The following HCRTR2 variants were observed in gnomAD, a reference collection of about 807,000 sequenced individuals.
The protein encoded by HCRTR2 is hypocretin receptor 2.
Under a neutral mutation model 49.0 loss-of-function variants are expected in HCRTR2, and 22 were observed. The ratio of observed to expected loss-of-function variants is 0.45; its 90% CI spans 0.32 to 0.64. The LOEUF is 0.64. Ranked by LOEUF, HCRTR2 falls within the 30% of genes least tolerant of loss-of-function variation. The pLI, the probability that HCRTR2 is intolerant of heterozygous loss-of-function variation, is 0.04. For synonymous variants in HCRTR2, 236 were observed against 205.3 expected, an observed-to-expected ratio of 1.15 and a Z score of -1.28; for missense variants, 491 against 559.4, an observed-to-expected ratio of 0.88 and a Z score of 1.23.
intron 1 of HCRTR2, among the ~76,000 whole-genome samples, chr6:55,139,059 G>C (rs1161434882): frequency 6.6e-6 from 1 of 152,130 alleles, no homozygotes; most frequent in African/African-American, 2.4e-5. Context: ...GTGTCTGGAA[G>C]GAGAAAGTTT....
chr6:55,135,838 A>T (rs1183430658), intron 1 of HCRTR2, among the ~76,000 whole-genome samples: 1 of 152,152 alleles, frequency 6.6e-6, no homozygotes, highest in East Asian at 1.9e-4. Flanking sequence ...CACAACCTAG[A>T]GGGTCTCTAA....
intron 1 of HCRTR2, among the ~76,000 whole-genome samples, chr6:55,198,532 C>T (rs182224565): frequency 1.5e-4 from 23 of 152,252 alleles, no homozygotes; most frequent in African/African-American, 4.3e-4. Context: ...ATCTGGATCA[C>T]GACTTGGGCA....
intron 1 of HCRTR2, among the ~76,000 whole-genome samples, chr6:55,119,370 A>G (rs1031530746): frequency 6.6e-6 from 1 of 152,106 alleles, no homozygotes. Flanking sequence ...GTCTTCCACA[A>G]TGCTTGAACT....
At chr6:55,230,425 A>T (rs1454980981) in intron 1 of HCRTR2, among the ~76,000 whole-genome samples, 1 of 152,198 alleles carries the variant, frequency 6.6e-6, no homozygotes, top group African/African-American at 2.4e-5. Context: ...TCTAACCCAG[A>T]AACTCCCAAG....
At chr6:55,147,283 G>A (rs915569210) in intron 1 of HCRTR2, among the ~76,000 whole-genome samples, 8 of 152,050 alleles carry the variant, frequency 5.3e-5, no homozygotes, top group East Asian at 3.9e-4. Flanking sequence ...AAAAATCTAC[G>A]TAATTGATAA....
upstream of HCRTR2, among the ~76,000 whole-genome samples, chr6:55,171,680 G>A (rs1450914590): frequency 6.6e-6 from 1 of 152,140 alleles, no homozygotes; most frequent in Non-Finnish European, 1.5e-5. Context: ...GTAGGATCAA[G>A]ATAAATACAG....
intron 1 of HCRTR2, among the ~76,000 whole-genome samples, chr6:55,232,834 C>T (rs1766140476): frequency 6.6e-6 from 1 of 152,100 alleles, no homozygotes; most frequent in Non-Finnish European, 1.5e-5. Flanking sequence ...AATAACTTGA[C>T]TAAACAAGAT....
intron 1 of HCRTR2, among the ~76,000 whole-genome samples, chr6:55,175,380 G>A (rs1040502032): frequency 6.6e-6 from 1 of 152,140 alleles, no homozygotes; most frequent in Admixed American, 6.5e-5. Context: ...AAGCAGGGAA[G>A]TGCACTCACT....
chr6:55,150,795 A>T (rs1764654632), intron 1 of HCRTR2, among the ~76,000 whole-genome samples: 1 of 152,048 alleles, frequency 6.6e-6, no homozygotes, highest in African/African-American at 2.4e-5. Flanking sequence ...TTTAATAAAC[A>T]TGAGAGTGCA....
chr6:55,150,272 C>T (rs992299062), intron 1 of HCRTR2, among the ~76,000 whole-genome samples: 3 of 151,820 alleles, frequency 2.0e-5, no homozygotes, highest in Non-Finnish European at 2.9e-5. Context: ...TCCATAAACA[C>T]ATTCATTACC....
intron 1 of HCRTR2, among the ~76,000 whole-genome samples, chr6:55,187,833 G>A (rs1197401369): frequency 6.6e-6 from 1 of 152,054 alleles, no homozygotes; most frequent in Non-Finnish European, 1.5e-5. Context: ...CTGGAGTGCA[G>A]TGGCGCAATC....
chr6:55,134,128 G>C (rs1764401336), intron 1 of HCRTR2, among the ~76,000 whole-genome samples: 1 of 151,638 alleles, frequency 6.6e-6, no homozygotes. Flanking sequence ...AACAAACTAA[G>C]CACATTTTAT....
intron 1 of HCRTR2, among the ~76,000 whole-genome samples, chr6:55,128,103 G>C (rs1191351361): frequency 6.6e-6 from 1 of 152,134 alleles, no homozygotes; most frequent in Non-Finnish European, 1.5e-5. Context: ...TTTGTACATG[G>C]TGTAAGGAAG....
chr6:55,126,819 G>A (rs1160468745), intron 1 of HCRTR2, among the ~76,000 whole-genome samples: 2 of 152,198 alleles, frequency 1.3e-5, no homozygotes, highest in African/African-American at 4.8e-5. Context: ...CTGAGCTGCA[G>A]TGGGCTCCAG....
intron 1 of HCRTR2, among the ~76,000 whole-genome samples, chr6:55,214,788 A>C (rs1289589892): frequency 6.6e-6 from 1 of 152,080 alleles, no homozygotes; most frequent in Non-Finnish European, 1.5e-5. Context: ...CAGTGGAAGA[A>C]TATGATAACC....
At chr6:55,164,283 C>T (rs1764846088) in intron 1 of HCRTR2, among the ~76,000 whole-genome samples, 1 of 152,110 alleles carries the variant, frequency 6.6e-6, no homozygotes, top group Non-Finnish European at 1.5e-5. Context: ...GGCATATACC[C>T]AAAGGATTAT....
intron 1 of HCRTR2, among the ~76,000 whole-genome samples, chr6:55,217,080 A>T (rs1047285842): frequency 2.0e-5 from 3 of 152,100 alleles, no homozygotes; most frequent in African/African-American, 7.2e-5. Flanking sequence ...CTGAGGAATG[A>T]TGCGCTCACA....
At chr6:55,177,758 CTT>C (rs1019707663) in intron 1 of HCRTR2, among the ~76,000 whole-genome samples, 2 of 152,174 alleles carry the variant, frequency 1.3e-5, no homozygotes, top group African/African-American at 2.4e-5. Context: ...GTCCTCATCT[CTT>C]TTTCTTCTCC....
At chr6:55,265,047 T>C (rs1766836835) in intron 4 of HCRTR2, among the ~76,000 whole-genome samples, 1 of 152,146 alleles carries the variant, frequency 6.6e-6, no homozygotes, top group African/African-American at 2.4e-5. Flanking sequence ...ATAATTTCAA[T>C]ATTTTCTCTT....
Sources: allele counts gnomAD v4.1 joint callset (sites outside exome capture counted in the v4.1 genomes callset), GRCh38; gene constraint gnomAD v4.1.1; transcripts MANE v1.5; gene names NCBI Gene and HGNC (gene_info 2026-07-23, HGNC 2026-07-21).